Variants in ELP3 observed in about 807,000 individuals in gnomAD.
ELP3 encodes the protein elongator complex protein 3.
ELP3 carries 56 observed loss-of-function variants against 74.9 expected under a neutral mutation model. The observed-to-expected ratio is 0.75, with a 90% confidence interval of 0.60 to 0.93. The LOEUF (loss-of-function observed/expected upper bound fraction) is 0.93, where lower values mean the gene tolerates loss of function less well. Ranked by LOEUF, ELP3 falls within the 40% of genes least tolerant of loss-of-function variation. ELP3 has a pLI of 0.00. For synonymous variants in ELP3, 222 were observed against 239.8 expected, an observed-to-expected ratio of 0.93 and a Z score of 0.68; for missense variants, 573 against 686.5, an observed-to-expected ratio of 0.83 and a Z score of 1.85.
chr8:28,164,721 A>G (rs79986670), intron 14 of ELP3, among the ~76,000 whole-genome samples: 1 of 152,128 alleles, frequency 6.6e-6, no homozygotes. Context: ...TTAGTAATCT[A>G]TTACTGTTCT....
Position 28,126,542 on chromosome 8 carries a change from G to A in ELP3, c.618-2960G>A, listed in dbSNP as rs144376916. 1.9e-4 allele frequency among the ~76,000 whole-genome samples: 29 copies of A among 152,280 alleles called. No homozygotes were observed. The East Asian group carries it at 5.6e-3, about 29-fold the overall frequency. On this transcript the variant is annotated intron_variant, in intron 7 of 14. Coordinates refer to ENST00000256398, the MANE Select transcript of ELP3 (RefSeq NM_018091.6). ...ATTGGAATCAGAGGATCCCTTTTGA[G>A]TCTTGGCCTTGTCTCTCGAGAAGTT...
chr8:28,122,517 A>G (rs375201605), intron 7 of ELP3, among the ~76,000 whole-genome samples: 23 of 152,306 alleles, frequency 1.5e-4, no homozygotes, highest in African/African-American at 5.5e-4. Flanking sequence ...ATCTGTGTCC[A>G]TTTTAAAAAG....
intron 9 of ELP3, among the ~76,000 whole-genome samples, chr8:28,135,980 G>C (rs1172774595): frequency 1.6e-4 from 18 of 110,582 alleles, no homozygotes; most frequent in African/African-American, 6.3e-4. Context: ...TTTTTTTCTT[G>C]AGATGGAGTC....
intron 14 of ELP3, among the ~76,000 whole-genome samples, chr8:28,188,134 G>A (rs927508822): frequency 3.3e-5 from 5 of 152,132 alleles, no homozygotes; most frequent in African/African-American, 1.2e-4. Context: ...GCTGCTGATC[G>A]CTCTCCCCGC....
chr8:28,151,125 T>C (rs1813627307), intron 10 of ELP3, among the ~76,000 whole-genome samples: 1 of 152,224 alleles, frequency 6.6e-6, no homozygotes, highest in Non-Finnish European at 1.5e-5. Flanking sequence ...TTCTGTTCTA[T>C]TTCTTTCAGT....
At chr8:28,151,850 G>T (rs1172129584) in intron 10 of ELP3, among the ~76,000 whole-genome samples, 1 of 152,210 alleles carries the variant, frequency 6.6e-6, no homozygotes, top group Non-Finnish European at 1.5e-5. Context: ...CCAGCCAGAA[G>T]CAGAAGGGTT....
intron 9 of ELP3, among the ~76,000 whole-genome samples, 169 bp downstream of exon 9, chr8:28,132,573 A>G (rs963782188): frequency 1.3e-5 from 2 of 152,246 alleles, no homozygotes; most frequent in African/African-American, 4.8e-5. Flanking sequence ...TAGCCCCATC[A>G]GACAAAACTC....
intron 2 of ELP3, among the ~76,000 whole-genome samples, chr8:28,097,612 G>A (rs893496361): frequency 4.6e-5 from 7 of 152,048 alleles, no homozygotes; most frequent in East Asian, 3.9e-4. Context: ...TAGCCAGGAC[G>A]GTCTCGATCT....
chr8:28,133,438 T>TC (rs1352949101), intron 9 of ELP3, among the ~76,000 whole-genome samples: 3 of 151,374 alleles, frequency 2.0e-5, no homozygotes, highest in Admixed American at 2.0e-4. Flanking sequence ...CTTTTTTTTT[T>TC]TTTTCTTCAA....
intron 3 of ELP3, among the ~76,000 whole-genome samples, 178 bp from the exon 4 acceptor site, chr8:28,106,535 G>A (rs1265426291): frequency 2.0e-5 from 2 of 101,404 alleles, no homozygotes; most frequent in Non-Finnish European, 1.8e-5. Context: ...GCGAGACTCC[G>A]TCTCAAAAAA....
intron 10 of ELP3, among the ~76,000 whole-genome samples, chr8:28,143,652 T>C (rs1813327394): frequency 6.6e-6 from 1 of 152,168 alleles, no homozygotes; most frequent in Non-Finnish European, 1.5e-5. Flanking sequence ...TGTTAGAAAT[T>C]TAGGTCGCTT....
At chr8:28,160,559 G>A (rs1814036446) in intron 13 of ELP3, 103 bp downstream of exon 13, 2 of 976,120 alleles carry the variant, frequency 2.0e-6, no homozygotes, top group Non-Finnish European at 3.0e-6. Context: ...AGGAGCAGGA[G>A]AGGGGAAAGA....
At chr8:28,163,551 C>CTGTA (rs1814188955) in intron 14 of ELP3, among the ~76,000 whole-genome samples, 1 of 143,528 alleles carries the variant, frequency 7.0e-6, no homozygotes, top group Non-Finnish European at 1.5e-5. Context: ...ACATGTCTAG[C>CTGTA]TTTATTTATT....
chr8:28,150,226 G>A (rs1813589108), intron 10 of ELP3, among the ~76,000 whole-genome samples: 1 of 152,056 alleles, frequency 6.6e-6, no homozygotes, highest in Non-Finnish European at 1.5e-5. Context: ...ATACATTGTT[G>A]CTATTGAACA....
At chr8:28,106,860 A>T in intron 4 of ELP3, 77 bp downstream of exon 4, 2 of 1,056,768 alleles carry the variant, frequency 1.9e-6, no homozygotes, top group Non-Finnish European at 2.9e-6. Context: ...CTTAGTCAGT[A>T]CATCCTGGTA....
chr8:28,126,066 C>A (rs1348096878), intron 7 of ELP3, among the ~76,000 whole-genome samples: 2 of 151,972 alleles, frequency 1.3e-5, no homozygotes, highest in Admixed American at 1.3e-4. Flanking sequence ...AGCCTCTAGA[C>A]ATGTTTGAGC....
At chr8:28,182,214 C>G (rs1283367160) in intron 14 of ELP3, among the ~76,000 whole-genome samples, 1 of 152,200 alleles carries the variant, frequency 6.6e-6, no homozygotes, top group South Asian at 2.1e-4. Context: ...TCTCCCCACT[C>G]TTTCCCCTAC....
intron 9 of ELP3, among the ~76,000 whole-genome samples, chr8:28,135,495 C>T (rs183396568): frequency 1.3e-5 from 2 of 152,254 alleles, no homozygotes; most frequent in Non-Finnish European, 2.9e-5. Context: ...GAGAGTAGGG[C>T]GGAGAGTCCA....
intron 10 of ELP3, among the ~76,000 whole-genome samples, chr8:28,145,858 A>G (rs2130507383): frequency 6.6e-6 from 1 of 152,334 alleles, no homozygotes; most frequent in East Asian, 1.9e-4. Context: ...TCCTGACCTC[A>G]GGTGATCCAC....
Sources: gnomAD v4.1 joint callset for allele counts (sites outside exome capture counted in the v4.1 genomes callset) on GRCh38, gnomAD v4.1.1 for gene constraint, MANE v1.5 for transcripts, NCBI Gene and HGNC (gene_info 2026-07-23, HGNC 2026-07-21) for gene names.